Variants in EPM2A observed in about 807,000 individuals in gnomAD.
EPM2A encodes laforin.
Under a neutral mutation model 26.5 loss-of-function variants are expected in EPM2A, and 21 were observed. The observed-to-expected ratio is 0.79, with a 90% CI of 0.56 to 1.14. The LOEUF (loss-of-function observed/expected upper bound fraction) is 1.14, where lower values mean the gene tolerates loss of function less well. Among genes scored for constraint, EPM2A ranks in the 50% most tolerant of loss-of-function variants. The pLI is 0.00. For synonymous variants in EPM2A, 217 were observed against 177.6 expected, an observed-to-expected ratio of 1.22 and a Z score of -1.76; for missense variants, 458 against 440.8, an observed-to-expected ratio of 1.04 and a Z score of -0.35.
intron 4 of EPM2A, among the ~76,000 whole-genome samples, chr6:145,458,300 C>T (rs1779286464): frequency 6.6e-6 from 1 of 152,142 alleles, no homozygotes; most frequent in African/African-American, 2.4e-5. Context: ...CTGTGTTGAG[C>T]TCGGTTGGGA....
At chr6:145,468,937 A>G (rs1315750559) in intron 4 of EPM2A, among the ~76,000 whole-genome samples, 1 of 152,188 alleles carries the variant, frequency 6.6e-6, no homozygotes, top group Non-Finnish European at 1.5e-5. Flanking sequence ...AAACAACTAT[A>G]TAGAAAAATA....
At chr6:145,577,060 T>A (rs1178744951) in intron 2 of EPM2A, among the ~76,000 whole-genome samples, 1 of 150,312 alleles carries the variant, frequency 6.7e-6, no homozygotes, top group Non-Finnish European at 1.5e-5. Context: ...AGCAAGAAAT[T>A]ACAACATTCT....
chr6:145,716,588 G>C (rs556059438), intron 1 of EPM2A, among the ~76,000 whole-genome samples: 6 of 152,134 alleles, frequency 3.9e-5, no homozygotes, highest in African/African-American at 1.4e-4. Flanking sequence ...CTATCCTGGA[G>C]TGGCCGCCCC....
At chr6:145,631,375 T>A (rs879354059) in intron 3 of EPM2A, 41 of 152,112 alleles carry the variant, frequency 2.7e-4, no homozygotes, top group Non-Finnish European at 4.1e-4. Flanking sequence ...GAAATCCAGA[T>A]CTTTTAACAT....
At chr6:145,543,970 A>G (rs960799151) in intron 2 of EPM2A, among the ~76,000 whole-genome samples, 1 of 152,238 alleles carries the variant, frequency 6.6e-6, no homozygotes, top group Non-Finnish European at 1.5e-5. Context: ...ACATTTATTT[A>G]ACAATTAGCT....
At chr6:145,681,162 A>T (rs1311815462) in intron 2 of EPM2A, among the ~76,000 whole-genome samples, 6 of 151,120 alleles carry the variant, frequency 4.0e-5, no homozygotes. Context: ...GCATTTTTTC[A>T]TGTGTTTTTT....
chr6:145,437,834 C>A (rs1421654045), intron 4 of EPM2A, among the ~76,000 whole-genome samples: 3 of 152,214 alleles, frequency 2.0e-5, no homozygotes, highest in Non-Finnish European at 4.4e-5. Context: ...TTGAAGGTGA[C>A]ATGCTTTGTA....
intron 2 of EPM2A, among the ~76,000 whole-genome samples, chr6:145,657,341 G>T (rs1423458640): frequency 6.6e-6 from 1 of 151,958 alleles, no homozygotes; most frequent in Non-Finnish European, 1.5e-5. Flanking sequence ...ACCCACTTCA[G>T]CCTACCAAAT....
At chr6:145,491,292 C>T (rs867127245) in intron 4 of EPM2A, 4 of 348,672 alleles carry the variant, frequency 1.1e-5, no homozygotes, top group African/African-American at 6.4e-5. Context: ...TCATTGGAAC[C>T]GGTTGCACTC....
At chr6:145,721,994 T>C (rs983051073) in intron 1 of EPM2A, among the ~76,000 whole-genome samples, 6 of 152,202 alleles carry the variant, frequency 3.9e-5, no homozygotes, top group African/African-American at 2.4e-5. Flanking sequence ...AGAACCTCCA[T>C]TCTGCTTCTA....
chr6:145,436,488 C>T (rs1368150983), intron 4 of EPM2A, among the ~76,000 whole-genome samples: 2 of 152,152 alleles, frequency 1.3e-5, no homozygotes, highest in South Asian at 4.1e-4. Flanking sequence ...ATTTCTCCAC[C>T]TCCTCACCCA....
chr6:145,604,100 T>G (rs1210281441), intron 2 of EPM2A, among the ~76,000 whole-genome samples: 1 of 152,166 alleles, frequency 6.6e-6, no homozygotes, highest in African/African-American at 2.4e-5. Flanking sequence ...TATTTGATTT[T>G]TGCTCAACAG....
intron 2 of EPM2A, among the ~76,000 whole-genome samples, chr6:145,514,560 T>C (rs1481614674): frequency 6.6e-6 from 1 of 152,324 alleles, no homozygotes; most frequent in East Asian, 1.9e-4. Context: ...AGATAAATAC[T>C]ATAACAGTTA....
At chr6:145,416,637 G>T (rs571941869) in intron 4 of EPM2A, among the ~76,000 whole-genome samples, 1 of 152,280 alleles carries the variant, frequency 6.6e-6, no homozygotes, top group African/African-American at 2.4e-5. Context: ...TTTGCACATG[G>T]CAGCTTTTAG....
chr6:145,735,075 G>A (rs1000410816), intron 1 of EPM2A, 123 bp downstream of exon 1: 5 of 580,072 alleles, frequency 8.6e-6, no homozygotes, highest in Non-Finnish European at 1.3e-5. Flanking sequence ...GCAGGGACGC[G>A]GGCAAAAAGC....
intron 1 of EPM2A, among the ~76,000 whole-genome samples, chr6:145,732,201 T>TTGTGTGTGTGTG (rs66889564): frequency 1.2e-4 from 16 of 138,460 alleles, no homozygotes; most frequent in African/African-American, 4.5e-4. Flanking sequence ...CAGCTAAGAC[T>TTGTGTGTGTGTG]TGTGTGTGTG....
Position 145,625,798 on chromosome 6 carries a change from C to T in EPM2A, c.*1618G>A. On this transcript the variant is annotated 3_prime_UTR_variant, in exon 4 of 4. Coordinates refer to ENST00000367519, the MANE Select transcript of EPM2A (RefSeq NM_005670.4). ...CCCCGTCCTCTGAGCTCCACTGAAA[C>T]TTACCTTGTATCCTTCTTGTCCCCC... 5.3e-6 allele frequency: 8 copies of T among 1,515,524 alleles called. No homozygotes were observed. Among genetic ancestry groups the T allele is most frequent in the Admixed American group, 1.8e-5 (1 of 54,154 alleles). The allele number at this position is 1,515,524 out of a possible 1,614,324, so 93.9% of individuals were successfully genotyped here.
At chr6:145,492,212 C>A in intron 4 of EPM2A, 1 of 184,956 alleles carries the variant, frequency 5.4e-6, no homozygotes, top group South Asian at 1.1e-4. Flanking sequence ...GCTTTGGCAC[C>A]AGCTAGGTCA....
At chr6:145,570,146 CCT>C (rs1413462922) in intron 2 of EPM2A, among the ~76,000 whole-genome samples, 1 of 152,072 alleles carries the variant, frequency 6.6e-6, no homozygotes, top group Non-Finnish European at 1.5e-5. Context: ...TTTCCCCGCC[CCT>C]GACTCAAATG....
Sources: allele counts gnomAD v4.1 joint callset (sites outside exome capture counted in the v4.1 genomes callset), GRCh38; gene constraint gnomAD v4.1.1; transcripts MANE v1.5; gene names NCBI Gene and HGNC (gene_info 2026-07-23, HGNC 2026-07-21).